Variants in LINGO2 observed in about 807,000 individuals in gnomAD.
LINGO2 encodes the protein leucine rich repeat and Ig domain containing 2.
A neutral mutation model predicts 30.6 loss-of-function variants in LINGO2; 14 were observed. The ratio of observed to expected loss-of-function variants is 0.46; its 90% CI spans 0.30 to 0.72. The LOEUF (loss-of-function observed/expected upper bound fraction) is 0.72. LINGO2 is among the 30% of genes least tolerant of loss of function. The pLI is 0.07. For missense variants in LINGO2, 729 were observed against 751.7 expected (o/e 0.97, Z 0.35); for synonymous variants, 317 against 288.5 (o/e 1.10, Z -1.00).
the LINGO2 span, among the ~76,000 whole-genome samples, chr9:28,726,977 G>A: frequency 2.6e-5 from 4 of 152,076 alleles, no homozygotes; most frequent in Non-Finnish European, 5.9e-5. Context: ...GGGAGATTGA[G>A]GAGGAGAGGA....
At chr9:28,340,514 A>G (rs1407210329) in intron 3 of LINGO2, among the ~76,000 whole-genome samples, 1 of 152,130 alleles carries the variant, frequency 6.6e-6, no homozygotes, top group Non-Finnish European at 1.5e-5. Context: ...AAATAAATAG[A>G]ACAGTATTTA....
the LINGO2 span, among the ~76,000 whole-genome samples, chr9:28,767,779 C>G: frequency 9.2e-6 from 1 of 108,406 alleles, no homozygotes; most frequent in South Asian, 3.2e-4. Flanking sequence ...GAGCAAGACT[C>G]CATTTCAAAA....
At chr9:28,981,283 A>C in the LINGO2 span, among the ~76,000 whole-genome samples, 1 of 152,156 alleles carries the variant, frequency 6.6e-6, no homozygotes, top group Non-Finnish European at 1.5e-5. Context: ...AGCTACTGGC[A>C]GAGTCTGATC....
At chr9:28,399,400 A>G (rs1383945526) in intron 2 of LINGO2, among the ~76,000 whole-genome samples, 2 of 152,208 alleles carry the variant, frequency 1.3e-5, no homozygotes, top group Non-Finnish European at 2.9e-5. Flanking sequence ...AAATATTGGA[A>G]GTGTTAGACT....
chr9:28,553,380 T>C (rs559662187), intron 1 of LINGO2, among the ~76,000 whole-genome samples: 67 of 151,834 alleles, frequency 4.4e-4, no homozygotes, highest in East Asian at 2.9e-3. Context: ...ATGTGATCAA[T>C]TGGAAGAAAG....
chr9:27,958,073 T>A (rs930087666), intron 5 of LINGO2, among the ~76,000 whole-genome samples: 5 of 152,192 alleles, frequency 3.3e-5, no homozygotes, highest in Non-Finnish European at 5.9e-5. Flanking sequence ...TTAAGTTTGA[T>A]GTTAGCTGTG....
intron 4 of LINGO2, among the ~76,000 whole-genome samples, chr9:28,188,303 C>T (rs527869704): frequency 1.3e-5 from 2 of 151,812 alleles, no homozygotes; most frequent in African/African-American, 4.8e-5. Flanking sequence ...CTTCTGATAA[C>T]AAAATAAGCA....
At chr9:28,575,643 A>T (rs1457558606) in intron 1 of LINGO2, among the ~76,000 whole-genome samples, 1 of 152,064 alleles carries the variant, frequency 6.6e-6, no homozygotes, top group Non-Finnish European at 1.5e-5. Context: ...CCTCAGCAAT[A>T]TACAATTTAC....
the LINGO2 span, among the ~76,000 whole-genome samples, chr9:28,978,551 A>G: frequency 6.6e-6 from 1 of 152,142 alleles, no homozygotes. Flanking sequence ...ATAAGAAAAA[A>G]TGGAATAAGT....
the LINGO2 span, among the ~76,000 whole-genome samples, chr9:29,055,745 C>A: frequency 2.6e-5 from 4 of 151,894 alleles, no homozygotes; most frequent in Non-Finnish European, 4.4e-5. Context: ...TCCTCAAAGT[C>A]CAGGGTATCA....
the LINGO2 span, among the ~76,000 whole-genome samples, chr9:28,952,424 C>T: frequency 6.6e-6 from 1 of 152,046 alleles, no homozygotes; most frequent in African/African-American, 2.4e-5. Flanking sequence ...TAATTCCTGC[C>T]ATCTCTATAC....
chr9:29,095,237 T>C, the LINGO2 span, among the ~76,000 whole-genome samples: 1 of 138,958 alleles, frequency 7.2e-6, no homozygotes, highest in Non-Finnish European at 1.6e-5. Context: ...AAAGAGGGTA[T>C]TGAATTTTCA....
chr9:28,796,709 A>C, the LINGO2 span, among the ~76,000 whole-genome samples: 5 of 152,120 alleles, frequency 3.3e-5, no homozygotes, highest in Admixed American at 1.3e-4. Context: ...TAAATTTTAA[A>C]GATTTCCAAA....
the LINGO2 span, among the ~76,000 whole-genome samples, chr9:29,085,940 G>A: frequency 2.6e-5 from 4 of 151,988 alleles, no homozygotes; most frequent in African/African-American, 7.3e-5. Context: ...TTCCAAATCC[G>A]TCTTATCATA....
At chr9:28,298,568 A>T (rs372090134) in intron 3 of LINGO2, among the ~76,000 whole-genome samples, 30 of 151,548 alleles carry the variant, frequency 2.0e-4, no homozygotes, top group African/African-American at 7.3e-4. Flanking sequence ...CTGTAATCCC[A>T]GCTACTCGGG....
At chr9:29,154,343 G>T in the LINGO2 span, among the ~76,000 whole-genome samples, 1 of 151,740 alleles carries the variant, frequency 6.6e-6, no homozygotes, top group Non-Finnish European at 1.5e-5. Context: ...CCAGCTACTC[G>T]GGAGGCTGAG....
chr9:28,405,427 C>CTAGT (rs1172834100), intron 2 of LINGO2, among the ~76,000 whole-genome samples: 6 of 152,084 alleles, frequency 3.9e-5, no homozygotes, highest in Non-Finnish European at 7.4e-5. Context: ...CCCATCGCCT[C>CTAGT]TAGTTAGAGG....
the LINGO2 span, among the ~76,000 whole-genome samples, chr9:28,937,341 C>T: frequency 1.1e-4 from 17 of 152,272 alleles, no homozygotes; most frequent in South Asian, 2.1e-3. Flanking sequence ...TGCTATGAAC[C>T]TGCGAAACCT....
intron 4 of LINGO2, among the ~76,000 whole-genome samples, chr9:28,207,512 T>C (rs996008660): frequency 6.6e-6 from 1 of 152,092 alleles, no homozygotes; most frequent in East Asian, 1.9e-4. Context: ...GAAAATAAAA[T>C]ACATAACCTA....
Sources: allele counts gnomAD v4.1 joint callset (sites outside exome capture counted in the v4.1 genomes callset), GRCh38; gene constraint gnomAD v4.1.1; transcripts MANE v1.5; gene names NCBI Gene and HGNC (gene_info 2026-07-23, HGNC 2026-07-21).